CLSTN2: variants seen among roughly 807,000 people sequenced by gnomAD.
CLSTN2 encodes calsyntenin-2.
CLSTN2 carries 48 observed loss-of-function variants against 101.2 expected under a neutral mutation model. The observed-to-expected ratio is 0.47, with a 90% CI of 0.38 to 0.60. The LOEUF is 0.60. Ranked by LOEUF, CLSTN2 falls within the 20% of genes least tolerant of loss-of-function variation. The pLI is 0.00. For missense variants in CLSTN2, 1,160 were observed against 1,238.2 expected, an observed-to-expected ratio of 0.94 and a Z score of 0.95; for synonymous variants, 481 against 463.6, an observed-to-expected ratio of 1.04 and a Z score of -0.48.
At chr3:140,104,265 G>A (rs1050564352) in intron 1 of CLSTN2, among the ~76,000 whole-genome samples, 21 of 152,168 alleles carry the variant, frequency 1.4e-4, no homozygotes, top group Non-Finnish European at 1.8e-4. Context: ...AGAGCAGCAG[G>A]CTGGCGGCAC....
intron 8 of CLSTN2, among the ~76,000 whole-genome samples, chr3:140,529,404 G>A (rs1935209909): frequency 6.6e-6 from 1 of 152,200 alleles, no homozygotes. Flanking sequence ...GACATACTTG[G>A]TGCGGCTGGA....
chr3:140,563,315 G>A, intron 15 of CLSTN2, 112 bp downstream of exon 15: 1 of 1,250,658 alleles, frequency 8.0e-7, no homozygotes, highest in Non-Finnish European at 1.1e-6. Flanking sequence ...AGAACTGAGG[G>A]AGGGAACCCA....
chr3:140,383,352 A>G (rs138412581), intron 2 of CLSTN2, among the ~76,000 whole-genome samples: 1 of 152,124 alleles, frequency 6.6e-6, no homozygotes, highest in Non-Finnish European at 1.5e-5. Context: ...ATTATTTCTA[A>G]TATTCTGTGC....
chr3:140,305,918 A>C (rs1221033662), intron 2 of CLSTN2, among the ~76,000 whole-genome samples: 4 of 152,102 alleles, frequency 2.6e-5, no homozygotes, highest in Admixed American at 6.5e-5. Flanking sequence ...TGTCTTTCCA[A>C]GTATTTTTGC....
intron 2 of CLSTN2, among the ~76,000 whole-genome samples, chr3:140,308,258 C>T (rs1187676053): frequency 2.0e-5 from 3 of 152,200 alleles, no homozygotes; most frequent in East Asian, 1.9e-4. Context: ...GGCCAGAGGG[C>T]CTCAGTTTTC....
intron 5 of CLSTN2, among the ~76,000 whole-genome samples, chr3:140,440,314 C>T (rs1422655545): frequency 6.6e-6 from 1 of 152,156 alleles, no homozygotes; most frequent in Non-Finnish European, 1.5e-5. Flanking sequence ...AGTTAATTAT[C>T]TCTTCTTCAT....
At chr3:140,116,291 A>G (rs1039717198) in intron 1 of CLSTN2, among the ~76,000 whole-genome samples, 1 of 152,218 alleles carries the variant, frequency 6.6e-6, no homozygotes, top group Non-Finnish European at 1.5e-5. Context: ...AATGGAAAAA[A>G]ATATCACTTA....
chr3:140,058,780 CAAA>C (rs34697359), intron 1 of CLSTN2, among the ~76,000 whole-genome samples: 24 of 118,688 alleles, frequency 2.0e-4, no homozygotes, highest in African/African-American at 6.3e-4. Flanking sequence ...GGACCCATGA[CAAA>C]AAAAAAAAAA....
intron 9 of CLSTN2, among the ~76,000 whole-genome samples, chr3:140,537,760 A>T (rs759226574): frequency 6.6e-6 from 1 of 152,234 alleles, no homozygotes; most frequent in Non-Finnish European, 1.5e-5. Context: ...CCCATTTATA[A>T]GAACAAAAAT....
chr3:140,360,130 A>C (rs926411292), intron 2 of CLSTN2, among the ~76,000 whole-genome samples: 2 of 152,122 alleles, frequency 1.3e-5, no homozygotes, highest in Non-Finnish European at 2.9e-5. Context: ...CCTGGAAAGC[A>C]AGTTACCCAA....
chr3:140,086,480 A>G (rs1479325094), intron 1 of CLSTN2, among the ~76,000 whole-genome samples: 4 of 152,204 alleles, frequency 2.6e-5, no homozygotes, highest in African/African-American at 7.2e-5. Flanking sequence ...GGATTGAATC[A>G]TCTAATATGT....
chr3:140,138,236 A>G (rs1045657958), intron 1 of CLSTN2, among the ~76,000 whole-genome samples: 1 of 152,216 alleles, frequency 6.6e-6, no homozygotes, highest in African/African-American at 2.4e-5. Flanking sequence ...TGTGCTCAGA[A>G]GAAGGACCAA....
At chr3:140,175,912 A>G (rs781757683) in intron 1 of CLSTN2, 39 bp from the exon 2 acceptor site, 2 of 1,590,652 alleles carry the variant, frequency 1.3e-6, no homozygotes, top group Non-Finnish European at 1.7e-6. Flanking sequence ...TTGTTATTTA[A>G]ATAATGATCC....
chr3:139,979,485 G>A (rs76318622), intron 1 of CLSTN2, among the ~76,000 whole-genome samples: 9,762 of 152,174 alleles, frequency 0.064, 371 homozygotes, highest in Non-Finnish European at 0.074. Flanking sequence ...ACCACAGCCC[G>A]CACATCCCTG....
At chr3:140,047,993 G>A (rs970337607) in intron 1 of CLSTN2, among the ~76,000 whole-genome samples, 1 of 152,016 alleles carries the variant, frequency 6.6e-6, no homozygotes, top group Non-Finnish European at 1.5e-5. Context: ...ATGACACAAG[G>A]AAATAAATGC....
At chr3:140,318,156 C>T (rs1224404390) in intron 2 of CLSTN2, among the ~76,000 whole-genome samples, 1 of 152,184 alleles carries the variant, frequency 6.6e-6, no homozygotes, top group African/African-American at 2.4e-5. Context: ...TTAACACCTG[C>T]ACCATATCAT....
chr3:140,503,871 G>C (rs534779544), intron 8 of CLSTN2, among the ~76,000 whole-genome samples: 11 of 152,274 alleles, frequency 7.2e-5, no homozygotes, highest in Non-Finnish European at 5.9e-5. Context: ...CATAGTGGTG[G>C]GGTCTCCTTC....
chr3:140,362,962 T>C (rs759667430), intron 2 of CLSTN2, among the ~76,000 whole-genome samples: 164 of 152,278 alleles, frequency 1.1e-3, no homozygotes, highest in Non-Finnish European at 1.9e-3. Context: ...TCATATGACC[T>C]AGAAATTTCA....
intron 1 of CLSTN2, among the ~76,000 whole-genome samples, chr3:140,121,474 T>A (rs1198495826): frequency 2.0e-5 from 3 of 152,174 alleles, no homozygotes; most frequent in Non-Finnish European, 2.9e-5. Flanking sequence ...AAAGTGAAAG[T>A]TCCAACACAT....
Sources: gnomAD v4.1 joint callset for allele counts (sites outside exome capture counted in the v4.1 genomes callset) on GRCh38, gnomAD v4.1.1 for gene constraint, MANE v1.5 for transcripts, NCBI Gene and HGNC (gene_info 2026-07-23, HGNC 2026-07-21) for gene names.